Variants in FHIT observed in about 807,000 individuals in gnomAD.
FHIT encodes bis(5'-adenosyl)-triphosphatase.
FHIT carries 19 observed loss-of-function variants against 17.9 expected under a neutral mutation model. The ratio of observed to expected loss-of-function variants is 1.06; its 90% CI spans 0.74 to 1.56. FHIT has a LOEUF of 1.56. Ranked by LOEUF, FHIT falls within the 40% of genes most tolerant of loss-of-function variation. FHIT has a pLI of 0.00. For synonymous variants in FHIT, 81 were observed against 69.7 expected (o/e 1.16, Z -0.81); for missense variants, 248 against 189.2 (o/e 1.31, Z -1.82).
At chr3:59,839,173 C>T (rs1188019199) in intron 8 of FHIT, among the ~76,000 whole-genome samples, 1 of 151,862 alleles carries the variant, frequency 6.6e-6, no homozygotes, top group East Asian at 1.9e-4. Context: ...AAAAAAATAG[C>T]AGGGCGTGGT....
chr3:59,849,915 C>T (rs1701866996), intron 8 of FHIT, among the ~76,000 whole-genome samples: 1 of 152,042 alleles, frequency 6.6e-6, no homozygotes, highest in Non-Finnish European at 1.5e-5. Flanking sequence ...GCTATAATAC[C>T]TTTGACTTTA....
At chr3:60,951,595 C>T (rs910373831) in intron 3 of FHIT, among the ~76,000 whole-genome samples, 2 of 152,190 alleles carry the variant, frequency 1.3e-5, no homozygotes, top group African/African-American at 4.8e-5. Context: ...ACCTTCATCA[C>T]CCTATCATAT....
chr3:60,417,433 G>T (rs1450197826), intron 5 of FHIT, among the ~76,000 whole-genome samples: 1 of 152,194 alleles, frequency 6.6e-6, no homozygotes, highest in African/African-American at 2.4e-5. Flanking sequence ...TCCATTTGCT[G>T]AGACGGAGCC....
chr3:60,283,153 A>G (rs1707544114), intron 5 of FHIT, among the ~76,000 whole-genome samples: 1 of 152,090 alleles, frequency 6.6e-6, no homozygotes, highest in African/African-American at 2.4e-5. Context: ...ATTAGATGGC[A>G]TTCATAAGCA....
chr3:60,695,328 A>C (rs1230514634), intron 4 of FHIT, among the ~76,000 whole-genome samples: 2 of 152,134 alleles, frequency 1.3e-5, no homozygotes, highest in African/African-American at 4.8e-5. Context: ...CCCAGGAGGC[A>C]AAGGTTGCAG....
At chr3:59,897,762 CTTT>C (rs199677803) in intron 8 of FHIT, among the ~76,000 whole-genome samples, 1 of 145,970 alleles carries the variant, frequency 6.9e-6, no homozygotes, top group African/African-American at 2.6e-5. Flanking sequence ...AAATCTGAAA[CTTT>C]TTTTTTCTTT....
intron 7 of FHIT, among the ~76,000 whole-genome samples, chr3:59,960,559 G>A (rs1357397184): frequency 6.8e-6 from 1 of 147,886 alleles, no homozygotes; most frequent in Non-Finnish European, 1.5e-5. Context: ...CTGGGGTGGA[G>A]ACATTATCTT....
At chr3:60,984,593 G>C (rs1021304262) in intron 3 of FHIT, among the ~76,000 whole-genome samples, 12 of 152,312 alleles carry the variant, frequency 7.9e-5, no homozygotes, top group African/African-American at 2.9e-4. Context: ...GCTAAGAACT[G>C]ATAGATGCAG....
At chr3:60,497,254 A>G (rs963624458) in intron 5 of FHIT, among the ~76,000 whole-genome samples, 3 of 151,992 alleles carry the variant, frequency 2.0e-5, no homozygotes, top group African/African-American at 7.3e-5. Flanking sequence ...GGCAGCCCTA[A>G]AAACAGAGGA....
At chr3:60,456,214 A>G (rs549757509) in intron 5 of FHIT, among the ~76,000 whole-genome samples, 3 of 152,242 alleles carry the variant, frequency 2.0e-5, no homozygotes, top group Non-Finnish European at 4.4e-5. Context: ...TTTTTAAAGT[A>G]TAACTTTTTA....
chr3:60,018,504 C>T (rs1374866154), intron 5 of FHIT, among the ~76,000 whole-genome samples: 3 of 152,140 alleles, frequency 2.0e-5, no homozygotes, highest in African/African-American at 7.2e-5. Flanking sequence ...TATAAAAAAT[C>T]CCAGCTAGCC....
At chr3:60,807,486 A>G (rs1181364629) in intron 4 of FHIT, among the ~76,000 whole-genome samples, 2 of 152,082 alleles carry the variant, frequency 1.3e-5, no homozygotes, top group Admixed American at 1.3e-4. Context: ...CTACTTATGA[A>G]GCTGAGGTGG....
intron 8 of FHIT, among the ~76,000 whole-genome samples, chr3:59,913,300 G>T (rs754184321): frequency 6.6e-6 from 1 of 152,064 alleles, no homozygotes; most frequent in Non-Finnish European, 1.5e-5. Flanking sequence ...TAAGAAAATC[G>T]CTTTTCTCCC....
In FHIT at chr3:59,953,384, C is replaced by T. The variant is rs573346990; in HGVS notation, c.280-30970G>A. Among the ~76,000 whole-genome samples, 6 of 152,168 alleles carry T rather than the reference C, an allele frequency of 3.9e-5. No individual in the cohort carries two copies. In the East Asian group the frequency reaches 1.2e-3, roughly 30 times the overall value. On this transcript the variant is annotated intron_variant, in intron 7 of 9. Coordinates refer to ENST00000492590, the MANE Select transcript of FHIT (RefSeq NM_002012.4). ...TCCAGTGAGTGTCTCCCTATGCACA[C>T]ATTTCTTGAGGTGTAGGGCTCTGCA...
intron 3 of FHIT, among the ~76,000 whole-genome samples, chr3:60,934,628 T>A (rs1394098715): frequency 6.6e-6 from 1 of 152,236 alleles, no homozygotes; most frequent in Non-Finnish European, 1.5e-5. Context: ...TAGCTATTAT[T>A]TTCTCCATTT....
intron 3 of FHIT, among the ~76,000 whole-genome samples, chr3:61,002,510 C>T (rs950834307): frequency 6.6e-6 from 1 of 152,128 alleles, no homozygotes; most frequent in African/African-American, 2.4e-5. Flanking sequence ...GATCCTCCCA[C>T]CTCGGCCTCC....
chr3:60,601,616 A>C lies in FHIT; in HGVS notation c.-17-64637T>G, dbSNP rs75024431. ...CCATCTTAATAGTGAGCAGGATAAA[A>C]ATAAAAGGCATGACTACCATGCAAA... On this transcript the variant is annotated intron_variant, in intron 4 of 9. Coordinates refer to ENST00000492590, the MANE Select transcript of FHIT (RefSeq NM_002012.4). Among the ~76,000 whole-genome samples, 437 of 152,292 alleles carry C rather than the reference A, an allele frequency of 2.9e-3. 3 individuals are homozygous for C. The highest frequency in any genetic ancestry group is 0.01 in the African/African-American group (417 of 41,560).
rs111901890 is a variant in FHIT at position 60,552,910 on chromosome 3, C to T, written c.-17-15931G>A. ...TGTCTGGATGGGTTTTCTCCAGGCA[C>T]TCTGGTTTCCTCCCTCATTCCAAAG... On this transcript the variant is annotated intron_variant, in intron 4 of 9. Transcript: ENST00000492590. 9.7e-4 allele frequency among the ~76,000 whole-genome samples: 147 copies of T among 152,228 alleles called. 1 individual carries two copies. Among genetic ancestry groups the T allele is most frequent in the African/African-American group, 3.2e-3 (134 of 41,548 alleles).
At chr3:60,836,068 G>T (rs1196175850) in intron 3 of FHIT, among the ~76,000 whole-genome samples, 1 of 152,068 alleles carries the variant, frequency 6.6e-6, no homozygotes, top group Non-Finnish European at 1.5e-5. Flanking sequence ...TTATTGCATT[G>T]ATTAGAACTT....
Sources: gnomAD v4.1 joint callset for allele counts (sites outside exome capture counted in the v4.1 genomes callset) on GRCh38, gnomAD v4.1.1 for gene constraint, MANE v1.5 for transcripts, NCBI Gene and HGNC (gene_info 2026-07-23, HGNC 2026-07-21) for gene names.